The following TMPRSS9 variants were observed in gnomAD, a reference collection of about 807,000 sequenced individuals.
TMPRSS9 encodes the protein transmembrane protease serine 9.
TMPRSS9 carries 113 observed loss-of-function variants against 111.4 expected under a neutral mutation model. That is an observed-to-expected ratio of 1.01 (90% confidence interval 0.87 to 1.19). The LOEUF (loss-of-function observed/expected upper bound fraction) is 1.19. Ranked by LOEUF, TMPRSS9 falls within the 50% of genes most tolerant of loss-of-function variation. The pLI is 0.00. For synonymous variants in TMPRSS9, 805 were observed against 659.1 expected, an observed-to-expected ratio of 1.22 and a Z score of -3.39; for missense variants, 1,803 against 1,513.1, an observed-to-expected ratio of 1.19 and a Z score of -3.18.
intron 10 of TMPRSS9, among the ~76,000 whole-genome samples, chr19:2,414,798 C>T (rs943946644): frequency 2.7e-5 from 4 of 150,416 alleles, no homozygotes; most frequent in Non-Finnish European, 5.9e-5. Context: ...ACCCAGGAAG[C>T]GGAGGTTGCA....
intron 1 of TMPRSS9, among the ~76,000 whole-genome samples, chr19:2,376,272 G>A (rs1970333430): frequency 6.6e-6 from 1 of 152,054 alleles, no homozygotes; most frequent in Admixed American, 6.6e-5. Context: ...CTCCTCTCAT[G>A]AGAACACTGT....
chr19:2,401,849 C>G (rs1599296286), intron 4 of TMPRSS9, 126 bp from the exon 6 acceptor site: 1 of 534,272 alleles, frequency 1.9e-6, no homozygotes. Context: ...CGCAAATGAT[C>G]CACCCGCCTC....
intron 1 of TMPRSS9, among the ~76,000 whole-genome samples, chr19:2,376,467 T>A (rs933457834): frequency 1.3e-5 from 2 of 151,942 alleles, no homozygotes; most frequent in Admixed American, 1.3e-4. Flanking sequence ...ATTTCTTTTT[T>A]TTTTCTTTTT....
At chr19:2,410,018 A>C (rs902486149) in intron 8 of TMPRSS9, among the ~76,000 whole-genome samples, 1 of 151,896 alleles carries the variant, frequency 6.6e-6, no homozygotes, top group Non-Finnish European at 1.5e-5. Context: ...TGCGGAAGGG[A>C]GATGAGGACC....
upstream of TMPRSS9, among the ~76,000 whole-genome samples, chr19:2,388,607 TAATC>T (rs1428936306): frequency 6.6e-6 from 1 of 152,126 alleles, no homozygotes; most frequent in African/African-American, 2.4e-5. Context: ...AACTGTGAGA[TAATC>T]AATCAGTATT....
chr19:2,377,234 CT>C (rs143386026), intron 1 of TMPRSS9, among the ~76,000 whole-genome samples: 14,661 of 145,300 alleles, frequency 0.1, 1,509 homozygotes, highest in African/African-American at 0.26. Context: ...TACTTTCTTT[CT>C]TTTTTTACTG....
chr19:2,396,563 A>G, exon 2 of TMPRSS9: 1 of 1,610,144 alleles, frequency 6.2e-7, no homozygotes, highest in Non-Finnish European at 8.5e-7. Context: ...CAGGGCTTCC[A>G]CGTGGACCAC....
At chr19:2,426,103 C>A (rs780185660) in exon 18 of TMPRSS9, 2 of 1,537,516 alleles carry the variant, frequency 1.3e-6, no homozygotes, top group African/African-American at 3.3e-5. Flanking sequence ...CACGTGACTG[C>A]CCAGGCCGAG....
At chr19:2,370,522 G>C (rs1249432672) in intron 1 of TMPRSS9, among the ~76,000 whole-genome samples, 1 of 151,944 alleles carries the variant, frequency 6.6e-6, no homozygotes, top group Admixed American at 6.6e-5. Flanking sequence ...GGAGATGGGG[G>C]TCTCGCTATG....
chr19:2,416,388 TCCTCCTCCCTGGA>T (rs1004808358), intron 11 of TMPRSS9, 137 bp from the exon 13 acceptor site: 1 of 1,032,340 alleles, frequency 9.7e-7, no homozygotes, highest in African/African-American at 1.6e-5. Flanking sequence ...CTTTCCCTGG[TCCTCCTCCCTGGA>T]GCCGAAGGTC....
At chr19:2,368,366 G>A (rs1970263225) in intron 1 of TMPRSS9, among the ~76,000 whole-genome samples, 1 of 152,146 alleles carries the variant, frequency 6.6e-6, no homozygotes, top group African/African-American at 2.4e-5. Flanking sequence ...GGCACATTAG[G>A]GTATAGCTGA....
At chr19:2,390,518 C>T (rs1467644689) in intron 1 of TMPRSS9, among the ~76,000 whole-genome samples, 1 of 148,624 alleles carries the variant, frequency 6.7e-6, no homozygotes. Context: ...GCTGGGATTA[C>T]AGGCATGAGC....
At chr19:2,408,309 A>G in intron 7 of TMPRSS9, 47 bp from the exon 9 acceptor site, 1 of 1,590,112 alleles carries the variant, frequency 6.3e-7, no homozygotes, top group Non-Finnish European at 8.6e-7. Flanking sequence ...GCCTCCCCCG[A>G]CGGCTCTGAC....
chr19:2,381,996 T>C (rs7245890), intron 1 of TMPRSS9, among the ~76,000 whole-genome samples: 68,849 of 151,224 alleles, frequency 0.46, 16,416 homozygotes, highest in East Asian at 0.61. Context: ...GCGTGTGCCA[T>C]CACGCCCAGC....
chr19:2,400,678 T>C (rs1970816147), intron 4 of TMPRSS9, among the ~76,000 whole-genome samples: 1 of 151,574 alleles, frequency 6.6e-6, no homozygotes, highest in Admixed American at 6.6e-5. Context: ...TTCAGACCAT[T>C]GTTAAAGATT....
At chr19:2,381,469 A>G (rs1166420077) in intron 1 of TMPRSS9, among the ~76,000 whole-genome samples, 4 of 151,836 alleles carry the variant, frequency 2.6e-5, no homozygotes, top group African/African-American at 7.3e-5. Context: ...CCATCCATCA[A>G]GTGATTCTTG....
chr19:2,363,665 C>T (rs1970221865), intron 1 of TMPRSS9, among the ~76,000 whole-genome samples: 1 of 151,476 alleles, frequency 6.6e-6, no homozygotes, highest in Non-Finnish European at 1.5e-5. Flanking sequence ...AGCTCCCGGC[C>T]CTGCGCCCCT....
chr19:2,371,673 G>T (rs577057038), intron 1 of TMPRSS9, among the ~76,000 whole-genome samples: 36 of 151,898 alleles, frequency 2.4e-4, no homozygotes, highest in African/African-American at 6.0e-4. Context: ...CTCCAGCCTG[G>T]CGACAGAGCA....
chr19:2,403,218 G>A (rs1222360486), intron 6 of TMPRSS9, 23 bp downstream of exon 7: 2 of 1,575,470 alleles, frequency 1.3e-6, no homozygotes, highest in Admixed American at 3.7e-5. Context: ...GTCTGGCCTG[G>A]TCTCTGGGCC....
Sources: gnomAD v4.1 joint callset for allele counts (sites outside exome capture counted in the v4.1 genomes callset) on GRCh38, gnomAD v4.1.1 for gene constraint, MANE v1.5 for transcripts, NCBI Gene and HGNC (gene_info 2026-07-23, HGNC 2026-07-21) for gene names.